Variants in KHDRBS2 observed in about 807,000 individuals in gnomAD.
The protein encoded by KHDRBS2 is KH domain-containing, RNA-binding, signal transduction-associated protein 2.
Under a neutral mutation model 44.3 loss-of-function variants are expected in KHDRBS2, and 26 were observed. The ratio of observed to expected loss-of-function variants is 0.59; its 90% CI spans 0.43 to 0.81. The LOEUF (loss-of-function observed/expected upper bound fraction) is 0.81, where lower values mean the gene tolerates loss of function less well. Among genes scored for constraint, KHDRBS2 ranks in the 40% least tolerant of loss-of-function variants. KHDRBS2 has a pLI of 0.00. For missense variants in KHDRBS2, 476 were observed against 433.1 expected (o/e 1.10, Z -0.88); for synonymous variants, 194 against 151.1 (o/e 1.28, Z -2.08).
chr6:62,023,322 C>T (rs564100851), intron 3 of KHDRBS2, among the ~76,000 whole-genome samples: 1 of 151,642 alleles, frequency 6.6e-6, no homozygotes, highest in African/African-American at 2.4e-5. Context: ...AATAACAAGG[C>T]CAGATGCTGG....
chr6:62,229,612 G>A (rs1220101481), intron 1 of KHDRBS2, among the ~76,000 whole-genome samples: 3 of 152,200 alleles, frequency 2.0e-5, no homozygotes, highest in Non-Finnish European at 2.9e-5. Flanking sequence ...CCATGGTTGG[G>A]AGCCTGGGCC....
chr6:61,737,989 T>G (rs1282136397), intron 6 of KHDRBS2, among the ~76,000 whole-genome samples: 2 of 152,014 alleles, frequency 1.3e-5, no homozygotes, highest in African/African-American at 4.8e-5. Context: ...CCAGTCAGTA[T>G]CTGCCTGAGA....
At chr6:61,547,259 A>T in the KHDRBS2 span, among the ~76,000 whole-genome samples, 5 of 152,126 alleles carry the variant, frequency 3.3e-5, no homozygotes, top group Non-Finnish European at 1.5e-5. Flanking sequence ...CTCTTCTTGG[A>T]GGATAGGTTT....
chr6:61,746,163 A>C (rs543878470), intron 6 of KHDRBS2, among the ~76,000 whole-genome samples: 2 of 152,006 alleles, frequency 1.3e-5, no homozygotes, highest in Non-Finnish European at 2.9e-5. Flanking sequence ...TTCCTGTTCC[A>C]ATCAACCAGA....
At chr6:61,701,560 T>C (rs1371475537) in intron 7 of KHDRBS2, among the ~76,000 whole-genome samples, 2 of 151,924 alleles carry the variant, frequency 1.3e-5, no homozygotes, top group Non-Finnish European at 2.9e-5. Context: ...CATACTCTAC[T>C]TTACTGGATT....
chr6:61,598,465 T>C, the KHDRBS2 span, among the ~76,000 whole-genome samples: 1 of 152,168 alleles, frequency 6.6e-6, no homozygotes, highest in African/African-American at 2.4e-5. Flanking sequence ...TCTCAGATTC[T>C]CAGATGACTG....
chr6:61,850,294 T>C (rs1468188860), intron 6 of KHDRBS2, among the ~76,000 whole-genome samples: 1 of 152,126 alleles, frequency 6.6e-6, no homozygotes, highest in Admixed American at 6.5e-5. Context: ...AGCTATCATT[T>C]AACAAACTCC....
At chr6:61,550,766 C>CTTTT in the KHDRBS2 span, among the ~76,000 whole-genome samples, 1,873 of 116,990 alleles carry the variant, frequency 0.016, 67 homozygotes, top group Non-Finnish European at 0.019. Flanking sequence ...GAGATGGTAT[C>CTTTT]TTTTTTTTTT....
chr6:61,627,678 T>C, the KHDRBS2 span, among the ~76,000 whole-genome samples: 2 of 152,306 alleles, frequency 1.3e-5, no homozygotes, highest in East Asian at 1.9e-4. Flanking sequence ...GTGATACACA[T>C]TGATGTGCCA....
rs1338584117 is a variant in KHDRBS2 at position 62,169,059 on chromosome 6, A to ATATATATATATATATG, written c.219+8125_219+8126insCATATATATATATATA. 2.1e-3 allele frequency among the ~76,000 whole-genome samples: 299 copies of ATATATATATATATATG among 139,566 alleles called. 3 individuals are homozygous for ATATATATATATATATG. Among genetic ancestry groups the ATATATATATATATATG allele is most frequent in the Non-Finnish European group, 3.1e-3 (198 of 64,278 alleles). The allele number at this position is 139,566 out of a possible 152,430, so 91.6% of individuals were successfully genotyped here. A position where few individuals can be genotyped will look rare whatever the true frequency, so the allele number is the denominator to read the frequency against. Reference sequence around the variant, plus strand: ...CATATATATATATATATATATATATATATGTATACATGAATATAAATATAT... The same window carrying ATATATATATATATATG: ...CATATATATATATATATATATATATATATATATATATATATGTATGTATACATGAATATAAATATAT... On this transcript the variant is annotated intron_variant, in intron 2 of 8. Transcript: ENST00000281156.
At chr6:62,017,324 T>C (rs566649718) in intron 3 of KHDRBS2, among the ~76,000 whole-genome samples, 2 of 151,952 alleles carry the variant, frequency 1.3e-5, no homozygotes, top group Non-Finnish European at 2.9e-5. Context: ...CATGATAAAA[T>C]CCTATAAGAG....
intron 6 of KHDRBS2, among the ~76,000 whole-genome samples, chr6:61,772,934 T>C (rs1334909650): frequency 4.6e-5 from 7 of 152,166 alleles, no homozygotes; most frequent in Admixed American, 4.6e-4. Flanking sequence ...AATGATGATT[T>C]CCAATTTCAT....
chr6:61,761,399 T>C (rs1779252641), intron 6 of KHDRBS2, among the ~76,000 whole-genome samples: 1 of 152,212 alleles, frequency 6.6e-6, no homozygotes, highest in South Asian at 2.1e-4. Context: ...TATTTGTTTA[T>C]ATTTTCTATT....
At chr6:61,601,951 T>A in the KHDRBS2 span, among the ~76,000 whole-genome samples, 314 of 152,230 alleles carry the variant, frequency 2.1e-3, 2 homozygotes, top group South Asian at 3.3e-3. Context: ...TTTTTCTTTA[T>A]CCGACCTCTC....
chr6:61,566,136 A>T, the KHDRBS2 span, among the ~76,000 whole-genome samples: 2 of 152,140 alleles, frequency 1.3e-5, no homozygotes, highest in Non-Finnish European at 2.9e-5. Flanking sequence ...TAAGCCAGAC[A>T]TAGAAAGACA....
intron 1 of KHDRBS2, among the ~76,000 whole-genome samples, chr6:62,213,194 G>C (rs1386120682): frequency 6.6e-6 from 1 of 152,144 alleles, no homozygotes; most frequent in Non-Finnish European, 1.5e-5. Context: ...GTGATTATAA[G>C]ATAAGTACCT....
chr6:61,834,073 C>T (rs1792261759), intron 6 of KHDRBS2, among the ~76,000 whole-genome samples: 2 of 152,042 alleles, frequency 1.3e-5, no homozygotes, highest in Admixed American at 1.3e-4. Context: ...ATTTTACTTC[C>T]ACTTTCTGTG....
chr6:61,987,288 A>G (rs11968127), intron 3 of KHDRBS2, among the ~76,000 whole-genome samples: 3,194 of 152,284 alleles, frequency 0.021, 114 homozygotes, highest in African/African-American at 0.074. Context: ...GCTAAATTAT[A>G]TATGAACCAA....
chr6:62,070,465 A>T (rs1476350605), intron 2 of KHDRBS2, among the ~76,000 whole-genome samples: 2 of 151,820 alleles, frequency 1.3e-5, no homozygotes, highest in Non-Finnish European at 2.9e-5. Context: ...CATTAGGTAT[A>T]TCTCCTAATG....
Sources: gnomAD v4.1 joint callset for allele counts (sites outside exome capture counted in the v4.1 genomes callset) on GRCh38, gnomAD v4.1.1 for gene constraint, MANE v1.5 for transcripts, NCBI Gene and HGNC (gene_info 2026-07-23, HGNC 2026-07-21) for gene names.